Variants in NCOA3 observed in about 807,000 individuals in gnomAD.
NCOA3 encodes the protein nuclear receptor coactivator 3, also known as CBP-interacting protein.
NCOA3 carries 51 observed loss-of-function variants against 158.8 expected under a neutral mutation model. That is an observed-to-expected ratio of 0.32 (90% CI 0.26 to 0.41). NCOA3 has a LOEUF of 0.41. Ranked by LOEUF, NCOA3 falls within the 10% of genes least tolerant of loss-of-function variation. The pLI is 1.00. For missense variants in NCOA3, 1,510 were observed against 1,746.6 expected, an observed-to-expected ratio of 0.86 and a Z score of 2.41; for synonymous variants, 537 against 592.4, an observed-to-expected ratio of 0.91 and a Z score of 1.36.
At chr20:47,502,739 A>G (rs994934857) in intron 1 of NCOA3, among the ~76,000 whole-genome samples, 65 of 132,230 alleles carry the variant, frequency 4.9e-4, no homozygotes, top group African/African-American at 1.7e-3. Context: ...CTCTCATTTT[A>G]TGAACATCGA....
intron 1 of NCOA3, among the ~76,000 whole-genome samples, chr20:47,535,895 C>A (rs982719253): frequency 6.6e-6 from 1 of 152,110 alleles, no homozygotes; most frequent in Non-Finnish European, 1.5e-5. Context: ...TGATCTTCCC[C>A]TGGAGCTGGG....
In NCOA3 at chr20:47,580,339, C is replaced by G. The variant is rs571070364; in HGVS notation, c.-98-2844C>G. Among the ~76,000 whole-genome samples the G allele has an allele frequency of 2.0e-5, 3 of 151,956 alleles. No individual in the cohort carries two copies. In the South Asian group the frequency reaches 6.2e-4, roughly 32 times the overall value. ...CAGCACTTTGGGAGGCCGAGGTGGGCAGATTTCTTGAGGTCAAGAGTTCGA... is the reference window on the plus strand; with the variant it reads ...CAGCACTTTGGGAGGCCGAGGTGGGGAGATTTCTTGAGGTCAAGAGTTCGA... On this transcript the variant is annotated intron_variant, in intron 1 of 22. Transcript: ENST00000371998.
intron 2 of NCOA3, among the ~76,000 whole-genome samples, chr20:47,597,642 C>G (rs2085782976): frequency 6.6e-6 from 1 of 151,848 alleles, no homozygotes; most frequent in African/African-American, 2.4e-5. Context: ...GTACTCGCCA[C>G]CAAGCCCAGC....
intron 1 of NCOA3, among the ~76,000 whole-genome samples, chr20:47,528,771 T>C (rs935557869): frequency 2.8e-4 from 42 of 152,232 alleles, no homozygotes; most frequent in African/African-American, 9.9e-4. Flanking sequence ...ACCTGGACAC[T>C]TTTTTTTCTT....
At chr20:47,640,629 C>T (rs988233415) in intron 16 of NCOA3, among the ~76,000 whole-genome samples, 1 of 151,446 alleles carries the variant, frequency 6.6e-6, no homozygotes, top group Non-Finnish European at 1.5e-5. Context: ...GCCTGTAATC[C>T]CAGCACTTTG....
At chr20:47,611,119 C>T (rs2086035717) in intron 2 of NCOA3, among the ~76,000 whole-genome samples, 1 of 152,152 alleles carries the variant, frequency 6.6e-6, no homozygotes. Flanking sequence ...ACATTTACTT[C>T]TCAATACTGT....
At chr20:47,593,009 C>G (rs563291098) in intron 2 of NCOA3, among the ~76,000 whole-genome samples, 3 of 151,816 alleles carry the variant, frequency 2.0e-5, no homozygotes, top group East Asian at 3.9e-4. Flanking sequence ...TCTCCTCTCA[C>G]TACAATCTCT....
intron 2 of NCOA3, among the ~76,000 whole-genome samples, chr20:47,609,003 T>C (rs2086000673): frequency 6.6e-6 from 1 of 152,204 alleles, no homozygotes; most frequent in South Asian, 2.1e-4. Context: ...AAGAAACATA[T>C]CTACTATAGA....
chr20:47,651,610 C>T (rs1568759319), intron 20 of NCOA3, among the ~76,000 whole-genome samples: 1 of 152,036 alleles, frequency 6.6e-6, no homozygotes, highest in Non-Finnish European at 1.5e-5. Flanking sequence ...TTGGTCAAGT[C>T]AGTGAGAGGA....
intron 2 of NCOA3, among the ~76,000 whole-genome samples, chr20:47,613,796 A>C (rs1182105784): frequency 6.6e-6 from 1 of 151,874 alleles, no homozygotes; most frequent in Non-Finnish European, 1.5e-5. Flanking sequence ...CTGTAATCCC[A>C]GCTACTCGGG....
At position 47,625,377 on chromosome 20, in the gene NCOA3, T is replaced by C. The variant is rs1240922944; in HGVS notation, c.257-4T>C. On this transcript the variant is annotated splice_polypyrimidine_tract_variant and splice_region_variant and intron_variant, in intron 4 of 22. Transcript: ENST00000371998. ...ATTCGTTATACCACCTTCTGTCTTTTCAGGAAAAACTATTTCCAATGATGA... is the reference window on the plus strand; with the variant it reads ...ATTCGTTATACCACCTTCTGTCTTTCCAGGAAAAACTATTTCCAATGATGA... 1.2e-6 allele frequency: 2 copies of C among 1,600,856 alleles called. No individual in the cohort carries two copies. The highest frequency in any genetic ancestry group is 1.7e-6 in the Non-Finnish European group (2 of 1,168,202).
At chr20:47,652,177 T>A (rs2086805981) in intron 20 of NCOA3, among the ~76,000 whole-genome samples, 1 of 152,144 alleles carries the variant, frequency 6.6e-6, no homozygotes. Context: ...GATCTTTCAG[T>A]GATCCAGATG....
chr20:47,627,279 G>A, intron 6 of NCOA3, 103 bp downstream of exon 6: 1 of 955,134 alleles, frequency 1.0e-6, no homozygotes. Context: ...ATCAAATGAG[G>A]GTAGAAAGGC....
intron 2 of NCOA3, among the ~76,000 whole-genome samples, chr20:47,612,717 C>G (rs539637264): frequency 6.6e-6 from 1 of 152,152 alleles, no homozygotes; most frequent in Non-Finnish European, 1.5e-5. Flanking sequence ...GAGATAGATT[C>G]AGTGTATTAA....
chr20:47,526,483 G>C (rs1310261255), intron 1 of NCOA3, among the ~76,000 whole-genome samples: 2 of 152,248 alleles, frequency 1.3e-5, no homozygotes, highest in African/African-American at 2.4e-5. Context: ...TGAGCACTGA[G>C]TGAACGAGAC....
At chr20:47,538,436 G>A (rs1484763225) in intron 1 of NCOA3, among the ~76,000 whole-genome samples, 1 of 152,172 alleles carries the variant, frequency 6.6e-6, no homozygotes, top group Non-Finnish European at 1.5e-5. Context: ...ACTGCAATTG[G>A]AAGAGCTTTG....
At chr20:47,626,704 G>A (rs1326180721) in intron 5 of NCOA3, among the ~76,000 whole-genome samples, 2 of 152,162 alleles carry the variant, frequency 1.3e-5, no homozygotes, top group Non-Finnish European at 2.9e-5. Context: ...AGTGTTGGTG[G>A]CTGGAAGTCC....
At position 47,635,396 on chromosome 20, in the gene NCOA3, G is replaced by C; in HGVS notation, c.1187G>C (p.Ser396Thr). Residue 396 changes from serine to threonine, a missense_variant, in exon 11 of 23, where the codon AGT (serine) becomes ACT (threonine). Around this residue, in one of 4 missense-constraint regions of NCOA3, gnomAD observed 1,017 missense variants for 1,098.3 expected, o/e 0.93. Transcript: ENST00000371998. ...GIRPPMAGCN[S>T]SVGGMSMSPN... The stretch of plus-strand genomic sequence containing the variant: ...AGACCACCTATGGCTGGATGCAACA[G>C]TTCGGTAGGCGGCATGAGTATGTCG... 6.2e-7 allele frequency: 1 copy of C among 1,614,212 alleles called. No homozygotes were observed. The highest frequency in any genetic ancestry group is 1.7e-5 in the Admixed American group (1 of 60,028).
In NCOA3 at chr20:47,557,297, T is replaced by C. The variant is rs1358392487; in HGVS notation, c.-98-25886T>C. On this transcript the variant is annotated intron_variant, in intron 1 of 22. Transcript: ENST00000371998. ...CTATTTTCTTGGGATGATGATCTTA[T>C]AGCAGCCATTTATTGAGTGCCCACC... 2.0e-5 allele frequency among the ~76,000 whole-genome samples: 3 copies of C among 152,374 alleles called. No individual in the cohort carries two copies. In the East Asian group the frequency reaches 5.8e-4, roughly 29 times the overall value.
Sources: allele counts gnomAD v4.1 joint callset (sites outside exome capture counted in the v4.1 genomes callset), GRCh38; gene constraint gnomAD v4.1.1; regional missense constraint gnomAD v4.1.1; transcripts MANE v1.5; gene names NCBI Gene and HGNC (gene_info 2026-07-23, HGNC 2026-07-21).